The following MDGA2 variants were observed in gnomAD, a reference collection of about 807,000 sequenced individuals.
MDGA2 encodes MAM domain containing glycosylphosphatidylinositol anchor 2, also known as MAM domain-containing glycosylphosphatidylinositol anchor protein 2.
In MDGA2, 40 loss-of-function variants were observed where a neutral mutation model predicts 117.8. The observed-to-expected ratio is 0.34, with a 90% CI of 0.26 to 0.44. The LOEUF is 0.44. MDGA2 is among the 20% of genes least tolerant of loss of function. The pLI is 1.00. For synonymous variants in MDGA2, 452 were observed against 439.0 expected, an observed-to-expected ratio of 1.03 and a Z score of -0.37; for missense variants, 1,123 against 1,250.6, an observed-to-expected ratio of 0.90 and a Z score of 1.54.
chr14:47,492,973 T>G (rs1447010966), intron 1 of MDGA2, among the ~76,000 whole-genome samples: 1 of 152,116 alleles, frequency 6.6e-6, no homozygotes, highest in East Asian at 1.9e-4. Flanking sequence ...TTTATTATTT[T>G]CTCTAATGCT....
At chr14:47,168,187 A>T (rs1042985882) in intron 3 of MDGA2, among the ~76,000 whole-genome samples, 2 of 151,206 alleles carry the variant, frequency 1.3e-5, no homozygotes, top group Non-Finnish European at 2.9e-5. Context: ...GGAGTTTCTG[A>T]GAATATTTTT....
At chr14:46,987,758 G>A (rs1886915876) in intron 8 of MDGA2, among the ~76,000 whole-genome samples, 1 of 151,920 alleles carries the variant, frequency 6.6e-6, no homozygotes, top group Admixed American at 6.6e-5. Flanking sequence ...CTACTATGTT[G>A]CTTCTATGTG....
intron 11 of MDGA2, among the ~76,000 whole-genome samples, chr14:46,879,279 T>C (rs1016008692): frequency 5.3e-5 from 8 of 152,026 alleles, no homozygotes; most frequent in Admixed American, 2.6e-4. Flanking sequence ...GGAAGAGAGC[T>C]CTCACCAGAA....
chr14:46,908,132 C>G (rs576929567), intron 10 of MDGA2, among the ~76,000 whole-genome samples: 38 of 152,216 alleles, frequency 2.5e-4, no homozygotes, highest in African/African-American at 9.1e-4. Flanking sequence ...GTGCTTATTA[C>G]AAAATATGAA....
intron 3 of MDGA2, among the ~76,000 whole-genome samples, chr14:47,171,677 G>C (rs765389740): frequency 6.6e-6 from 1 of 152,160 alleles, no homozygotes; most frequent in Non-Finnish European, 1.5e-5. Flanking sequence ...CAAGATGGCC[G>C]AATAGGAACA....
intron 10 of MDGA2, among the ~76,000 whole-genome samples, chr14:46,905,551 GA>G (rs1397806340): frequency 6.6e-6 from 1 of 152,090 alleles, no homozygotes; most frequent in African/African-American, 2.4e-5. Context: ...CAAACAGATT[GA>G]AAAAGACTAT....
chr14:47,322,424 T>G (rs1378361876), intron 1 of MDGA2, among the ~76,000 whole-genome samples: 1 of 152,166 alleles, frequency 6.6e-6, no homozygotes, highest in Non-Finnish European at 1.5e-5. Flanking sequence ...TTATTATTAT[T>G]TTAATATCAG....
At chr14:47,271,785 T>C (rs1888152612) in intron 2 of MDGA2, among the ~76,000 whole-genome samples, 1 of 152,208 alleles carries the variant, frequency 6.6e-6, no homozygotes, top group Non-Finnish European at 1.5e-5. Context: ...ATTTCTCAAA[T>C]ATCAAATATT....
At chr14:47,472,383 C>T (rs1893746287) in intron 1 of MDGA2, among the ~76,000 whole-genome samples, 1 of 152,166 alleles carries the variant, frequency 6.6e-6, no homozygotes, top group Admixed American at 6.6e-5. Context: ...GTCTAGGCTA[C>T]AAATCTGTGC....
At chr14:47,365,807 C>T (rs1481811714) in intron 1 of MDGA2, among the ~76,000 whole-genome samples, 1 of 152,196 alleles carries the variant, frequency 6.6e-6, no homozygotes, top group Non-Finnish European at 1.5e-5. Context: ...TTTTCCTCCT[C>T]CTTCTGTTTA....
At chr14:47,604,490 C>CA (rs1484489897) in intron 1 of MDGA2, among the ~76,000 whole-genome samples, 2 of 130,572 alleles carry the variant, frequency 1.5e-5, no homozygotes, top group East Asian at 2.9e-4. Context: ...CTTCCCCACC[C>CA]CCCCCCACCC....
intron 7 of MDGA2, among the ~76,000 whole-genome samples, chr14:47,046,174 T>G (rs1284130579): frequency 6.9e-6 from 1 of 144,110 alleles, no homozygotes; most frequent in Non-Finnish European, 1.5e-5. Context: ...ATAAAGTAAA[T>G]AAAAGAAAGG....
intron 1 of MDGA2, among the ~76,000 whole-genome samples, chr14:47,404,295 C>T (rs1246991839): frequency 2.0e-5 from 3 of 151,766 alleles, no homozygotes; most frequent in African/African-American, 7.3e-5. Context: ...AAGTGACTCT[C>T]GTGCCTCAGC....
At chr14:47,067,511 G>C (rs1890128676) in intron 6 of MDGA2, among the ~76,000 whole-genome samples, 1 of 152,146 alleles carries the variant, frequency 6.6e-6, no homozygotes, top group African/African-American at 2.4e-5. Context: ...AATTTTTTAA[G>C]TTAATAAGTA....
intron 2 of MDGA2, among the ~76,000 whole-genome samples, chr14:47,297,964 A>C (rs1345370568): frequency 1.3e-5 from 2 of 152,168 alleles, no homozygotes; most frequent in African/African-American, 4.8e-5. Context: ...CTTATGTACC[A>C]AGAATGTATA....
At chr14:47,192,735 AAAC>A (rs1363532614) in intron 3 of MDGA2, among the ~76,000 whole-genome samples, 1 of 152,202 alleles carries the variant, frequency 6.6e-6, no homozygotes, top group African/African-American at 2.4e-5. Context: ...TTAGCTATAA[AAAC>A]AAGTTATACA....
intron 4 of MDGA2, among the ~76,000 whole-genome samples, chr14:47,139,901 T>TAC (rs1248567483): frequency 4.1e-4 from 59 of 145,600 alleles, no homozygotes; most frequent in Admixed American, 1.6e-3. Context: ...TATATATATA[T>TAC]ACACATATGG....
intron 1 of MDGA2, among the ~76,000 whole-genome samples, chr14:47,438,649 A>G (rs1892943286): frequency 6.6e-6 from 1 of 152,130 alleles, no homozygotes; most frequent in Admixed American, 6.6e-5. Context: ...GCAACTCCCA[A>G]GCTGGAAGGA....
intron 6 of MDGA2, among the ~76,000 whole-genome samples, chr14:47,075,536 A>T (rs1218804113): frequency 6.6e-6 from 1 of 152,198 alleles, no homozygotes; most frequent in Non-Finnish European, 1.5e-5. Flanking sequence ...TGGGCTATCA[A>T]TGAAATCGTA....
Sources: allele counts gnomAD v4.1 joint callset (sites outside exome capture counted in the v4.1 genomes callset), GRCh38; gene constraint gnomAD v4.1.1; transcripts MANE v1.5; gene names NCBI Gene and HGNC (gene_info 2026-07-23, HGNC 2026-07-21).